The following GAK variants were observed in gnomAD, a reference collection of about 807,000 sequenced individuals.
GAK encodes cyclin G associated kinase.
GAK carries 79 observed loss-of-function variants against 143.9 expected under a neutral mutation model. That is an observed-to-expected ratio of 0.55 (90% CI 0.46 to 0.66). The LOEUF (loss-of-function observed/expected upper bound fraction) is 0.66, where lower values mean the gene tolerates loss of function less well. Ranked by LOEUF, GAK falls within the 30% of genes least tolerant of loss-of-function variation. GAK has a pLI of 0.00. For synonymous variants in GAK, 881 were observed against 765.5 expected (o/e 1.15, Z -2.49); for missense variants, 1,693 against 1,779.7 (o/e 0.95, Z 0.88).
At chr4:913,523 G>C (rs1243013670) in intron 2 of GAK, 84 bp downstream of exon 2, 70 of 1,036,886 alleles carry the variant, frequency 6.8e-5, no homozygotes, top group Non-Finnish European at 1.0e-4. Flanking sequence ...GTACGTAACA[G>C]GGACGCATCC....
chr4:883,447 T>C lies in GAK; in HGVS notation c.1272A>G (p.Ala424=). The C allele has an allele frequency of 1.2e-6, 2 of 1,613,592 alleles. No individual in the cohort carries two copies. The highest frequency in any genetic ancestry group is 2.2e-5 in the South Asian group (2 of 91,092). ...TTTTGAGCGCTGACTCCACACCTTCTGCTGGGAATGACATCACTGAAACAA... is the reference window on the plus strand; with the variant it reads ...TTTTGAGCGCTGACTCCACACCTTCCGCTGGGAATGACATCACTGAAACAA... ...TSRIAVMSFP[A]EGVESALKNN... is the part of the protein sequence containing the mutation. The change falls in exon 13 of 28, where the codon GCA becomes GCG. Residue 424 remains alanine (A), a synonymous_variant. Coordinates refer to ENST00000314167, the MANE Select transcript of GAK (RefSeq NM_005255.4).
chr4:932,095 C>T lies in GAK; in HGVS notation c.93G>A (p.Gln31=). 1 of 1,603,286 alleles carries T rather than the reference C, an allele frequency of 6.2e-7. No individual in the cohort carries two copies. Among genetic ancestry groups the T allele is most frequent in the Non-Finnish European group, 8.5e-7 (1 of 1,175,916 alleles). The change falls in exon 1 of 28, where the codon CAG becomes CAA. Residue 31 remains glutamine, a synonymous_variant. Coordinates refer to ENST00000314167, the MANE Select transcript of GAK (RefSeq NM_005255.4). The surrounding 1 kb of genome is among the most constrained non-coding windows in gnomAD (Gnocchi z 4.0). ...GCCGCAGCTCGCCCAGTTCCACCGT[C>T]TGCCCCACGAAGTCACTCTGGTCGC... ...SGRDQSDFVG[Q]TVELGELRLR...
At chr4:921,451 G>A (rs1474235248) in intron 1 of GAK, among the ~76,000 whole-genome samples, 1 of 152,146 alleles carries the variant, frequency 6.6e-6, no homozygotes, top group African/African-American at 2.4e-5. Flanking sequence ...TCCACAAATG[G>A]TGCCAGACAA....
rs1340131158 is a variant in GAK, at chr4:866,386, G to A, written c.3021C>T (p.Cys1007=). 6.2e-7 allele frequency: 1 copy of A among 1,614,078 alleles called. No homozygotes were observed. Among genetic ancestry groups the A allele is most frequent in the East Asian group, 2.2e-5 (1 of 44,894 alleles). The change falls in exon 22 of 28, where the codon TGC becomes TGT. Residue 1007 remains cysteine, a synonymous_variant. Transcript: ENST00000314167. ...TACCCAGGTGCAGGAAGTCGGCGCT[G>A]CAGGATGGGGGCGGAGCACTGTGGG... ...PSAHSAPPPS[C]SADFLHLGDL... is the part of the protein sequence containing the mutation.
chr4:870,377 G>A (rs1006835215), intron 19 of GAK, among the ~76,000 whole-genome samples: 7 of 152,182 alleles, frequency 4.6e-5, no homozygotes, highest in Non-Finnish European at 8.8e-5. Flanking sequence ...GAGAGTGGAC[G>A]TGTGTCCAGC....
chr4:893,909 T>C lies in GAK; in HGVS notation c.842A>G (p.His281Arg). The change falls in exon 8 of 28, where the codon CAC (histidine) becomes CGC (arginine). Residue 281 changes from histidine (H) to arginine (R), a missense_variant. By Grantham distance (29) the His-to-Arg change is conservative. Transcript: ENST00000314167. Reference sequence around the variant, plus strand: ...GTGGAAGACCGTGTACTGCGTGTCGTGCGGGGGGATCGAGTACTTCCCATT... The same window carrying C: ...GTGGAAGACCGTGTACTGCGTGTCGCGCGGGGGGATCGAGTACTTCCCATT... ...IVNGKYSIPP[H>R]DTQYTVFHSL... is the part of the protein sequence containing the mutation. 1 of 1,611,462 alleles carries C rather than the reference T, an allele frequency of 6.2e-7. No individual in the cohort carries two copies. Among genetic ancestry groups the C allele is most frequent in the Non-Finnish European group, 8.5e-7 (1 of 1,178,914 alleles).
At chr4:885,036 T>C (rs995469995) in intron 11 of GAK, among the ~76,000 whole-genome samples, 8 of 151,574 alleles carry the variant, frequency 5.3e-5, no homozygotes, top group Non-Finnish European at 8.8e-5. Context: ...CGTTCAAACG[T>C]TTTAAAAGCC....
chr4:898,693 C>T (rs2152885069), intron 5 of GAK, among the ~76,000 whole-genome samples: 1 of 152,258 alleles, frequency 6.6e-6, no homozygotes, highest in South Asian at 2.1e-4. Context: ...AAAACCTCGT[C>T]TCTACTAAAA....
At chr4:884,335 C>T (rs1011625564) in intron 11 of GAK, 5 of 513,966 alleles carry the variant, frequency 9.7e-6, no homozygotes, top group African/African-American at 2.0e-5. Context: ...ATGGGTGAGA[C>T]AGGAGAGACA....
intron 11 of GAK, chr4:886,440 C>T (rs1716345814): frequency 6.6e-6 from 1 of 152,230 alleles, no homozygotes; most frequent in African/African-American, 2.4e-5. Flanking sequence ...GGCCTGGAGT[C>T]CCCCAGGGAG....
At chr4:925,399 C>T (rs1332790076) in intron 1 of GAK, among the ~76,000 whole-genome samples, 1 of 152,142 alleles carries the variant, frequency 6.6e-6, no homozygotes, top group Admixed American at 6.5e-5. Flanking sequence ...ACGCTGGGGA[C>T]GGGACAGAGT....
At position 877,173 on chromosome 4, in the gene GAK, G is replaced by C; in HGVS notation, c.1891C>G (p.Pro631Ala). 6.2e-7 allele frequency: 1 copy of C among 1,613,914 alleles called. No individual in the cohort carries two copies. The highest frequency in any genetic ancestry group is 8.5e-7 in the Non-Finnish European group (1 of 1,179,856). ...FKIEDGKAVI[P>A]LGVTVQGDVL... is the part of the protein sequence containing the mutation. ...TCTCCTTGCACCGTGACGCCCAGGG[G>C]AATCACCGCTTTGCCATCTTCAATC... Residue 631 changes from proline to alanine, a missense_variant, in exon 17 of 28, where the codon CCC (proline) becomes GCC (alanine). Around this residue, in one of 2 missense-constraint regions of GAK, gnomAD observed 871 missense variants for 991.0 expected, o/e 0.88. Coordinates refer to ENST00000314167, the MANE Select transcript of GAK (RefSeq NM_005255.4).
chr4:855,112 G>T (rs1478462903), intron 24 of GAK, among the ~76,000 whole-genome samples: 1 of 152,182 alleles, frequency 6.6e-6, no homozygotes, highest in East Asian at 1.9e-4. Context: ...AAGCTCATTT[G>T]TATCTAGGAA....
At chr4:849,867 G>T in intron 27 of GAK, 25 bp downstream of exon 27, 1 of 1,491,554 alleles carries the variant, frequency 6.7e-7, no homozygotes, top group Non-Finnish European at 9.1e-7. Flanking sequence ...AAGGCCTCAA[G>T]CGGCCGCCTG....
intron 1 of GAK, among the ~76,000 whole-genome samples, chr4:922,547 A>G (rs1045369315): frequency 5.3e-5 from 8 of 150,366 alleles, no homozygotes; most frequent in Non-Finnish European, 1.0e-4. Flanking sequence ...CAGCATCTGC[A>G]AACCAGCAAA....
chr4:890,468 C>T (rs1717409785), intron 10 of GAK, 64 bp downstream of exon 10: 4 of 1,272,544 alleles, frequency 3.1e-6, no homozygotes, highest in African/African-American at 3.0e-5. Flanking sequence ...TCCCAATGTG[C>T]TGCGGGTGCC....
chr4:898,147 C>A lies in GAK; in HGVS notation c.537G>T (p.Leu179Phe). Residue 179 changes from leucine (L) to phenylalanine (F), a missense_variant, in exon 6 of 28, where the codon TTG (leucine) becomes TTT (phenylalanine). Leu to Phe is a conservative substitution (Grantham distance 22). Transcript: ENST00000314167. ...IIHRDLKVEN[L>F]LLSNQGTIKL... ...TAATGGTCCCTTGGTTACTAAGCAA[C>A]AAGTTCTCAACCTGTAAAATTCCAC... 2 of 1,614,080 alleles carry A rather than the reference C, an allele frequency of 1.2e-6. No individual in the cohort carries two copies. Among genetic ancestry groups the A allele is most frequent in the Non-Finnish European group, 1.7e-6 (2 of 1,179,940 alleles).
chr4:850,189 C>A (rs1747870579), intron 26 of GAK, 121 bp from the exon 27 acceptor site: 16 of 927,570 alleles, frequency 1.7e-5, no homozygotes, highest in Non-Finnish European at 2.6e-5. Context: ...CTCAGCCCGG[C>A]TCACAGACAC....
At chr4:880,398 G>C (rs1714856780) in intron 15 of GAK, among the ~76,000 whole-genome samples, 1 of 152,240 alleles carries the variant, frequency 6.6e-6, no homozygotes, top group South Asian at 2.1e-4. Flanking sequence ...CAGAGTCACA[G>C]AGTGCAGCTC....
Sources: gnomAD v4.1 joint callset for allele counts (sites outside exome capture counted in the v4.1 genomes callset) on GRCh38, gnomAD v4.1.1 for gene constraint, gnomAD v4.1.1 regional missense constraint, Gnocchi (gnomAD v3.1) non-coding constraint, MANE v1.5 for transcripts, NCBI Gene and HGNC (gene_info 2026-07-23, HGNC 2026-07-21) for gene names.